CDH12: variants seen among roughly 807,000 people sequenced by gnomAD.
CDH12 encodes cadherin 12, also known as cadherin-12.
In CDH12, 41 loss-of-function variants were observed where a neutral mutation model predicts 74.1. The ratio of observed to expected loss-of-function variants is 0.55; its 90% CI spans 0.43 to 0.72. CDH12 has a LOEUF of 0.72. Among genes scored for constraint, CDH12 ranks in the 30% least tolerant of loss-of-function variants. The probability of loss-of-function intolerance (pLI) is 0.00; values close to 1 mark genes in which losing one functional copy is unlikely to be tolerated. For missense variants in CDH12, 945 were observed against 977.2 expected (o/e 0.97, Z 0.44); for synonymous variants, 399 against 355.0 (o/e 1.12, Z -1.39).
rs112684170 is a variant in CDH12, at chr5:22,580,860, G to A, written c.-522-75496C>T. The A allele has an allele frequency of 5.2e-3, 896 of 172,216 alleles. 9 individuals are homozygous for A. The highest frequency in any genetic ancestry group is 0.02 in the African/African-American group (849 of 42,180). The allele number at this position is 172,216 out of a possible 1,614,324, so 10.7% of individuals were successfully genotyped here. A position where few individuals can be genotyped will look rare whatever the true frequency, so the allele number is the denominator to read the frequency against. On this transcript the variant is annotated intron_variant, in intron 1 of 14. Coordinates refer to ENST00000382254, the MANE Select transcript of CDH12 (RefSeq NM_004061.5). ...GCTATGTTTTAGCAAAGAGACTGGC[G>A]GCATTTTGCCCATGGCCTAGAGATT...
At chr5:22,505,023 G>T (rs1736326780) in intron 2 of CDH12, among the ~76,000 whole-genome samples, 1 of 151,782 alleles carries the variant, frequency 6.6e-6, no homozygotes, top group East Asian at 1.9e-4. Flanking sequence ...ATAAAACAAA[G>T]AAGCTAAAAA....
At chr5:21,837,829 T>A (rs776415788) in intron 8 of CDH12, among the ~76,000 whole-genome samples, 1 of 152,144 alleles carries the variant, frequency 6.6e-6, no homozygotes, top group South Asian at 2.1e-4. Context: ...GAAAACCTCT[T>A]CTTTCTCCTG....
intron 6 of CDH12, among the ~76,000 whole-genome samples, chr5:21,858,685 G>A (rs779186320): frequency 4.6e-5 from 7 of 151,896 alleles, no homozygotes; most frequent in Non-Finnish European, 7.4e-5. Flanking sequence ...AAAATTGAGA[G>A]ACCAACTCCT....
At chr5:21,870,229 T>C (rs1751546185) in intron 6 of CDH12, among the ~76,000 whole-genome samples, 1 of 152,110 alleles carries the variant, frequency 6.6e-6, no homozygotes, top group Non-Finnish European at 1.5e-5. Flanking sequence ...TATGTCTTTA[T>C]CAACAGCGTG....
chr5:22,063,153 G>A (rs940063819), intron 5 of CDH12, among the ~76,000 whole-genome samples: 2 of 152,126 alleles, frequency 1.3e-5, no homozygotes, highest in Non-Finnish European at 2.9e-5. Context: ...TTTCTGCAAT[G>A]AAAGTGTAAC....
intron 11 of CDH12, among the ~76,000 whole-genome samples, chr5:21,767,933 T>C (rs1333362254): frequency 6.6e-6 from 1 of 151,710 alleles, no homozygotes; most frequent in Non-Finnish European, 1.5e-5. Flanking sequence ...AGAGATATAT[T>C]GTACTAAATT....
intron 1 of CDH12, among the ~76,000 whole-genome samples, chr5:22,644,022 G>C (rs1739304819): frequency 6.6e-6 from 1 of 151,922 alleles, no homozygotes; most frequent in African/African-American, 2.4e-5. Flanking sequence ...TTCTCTGTCT[G>C]CTCTTCTCCC....
chr5:22,569,477 A>G (rs1231516499), intron 1 of CDH12, among the ~76,000 whole-genome samples: 1 of 151,752 alleles, frequency 6.6e-6, no homozygotes, highest in African/African-American at 2.4e-5. Context: ...AGCCAATTAA[A>G]CCTCTTTTCA....
intron 2 of CDH12, among the ~76,000 whole-genome samples, chr5:22,494,379 G>A (rs1006693935): frequency 1.3e-5 from 2 of 152,184 alleles, no homozygotes; most frequent in Non-Finnish European, 2.9e-5. Context: ...TGTCTGGGGC[G>A]GGTTCCCGCC....
chr5:22,573,743 G>GT (rs1192043211), intron 1 of CDH12, among the ~76,000 whole-genome samples: 1 of 151,932 alleles, frequency 6.6e-6, no homozygotes, highest in African/African-American at 2.4e-5. Context: ...AAGATACTTG[G>GT]TTAACAAAGT....
intron 6 of CDH12, among the ~76,000 whole-genome samples, chr5:21,937,368 A>G (rs183580397): frequency 1.4e-4 from 22 of 152,312 alleles, no homozygotes; most frequent in Non-Finnish European, 2.8e-4. Context: ...TTACAGCCAG[A>G]GAAGAGAGAG....
chr5:22,104,051 T>C (rs1744296139), intron 4 of CDH12, among the ~76,000 whole-genome samples: 1 of 152,212 alleles, frequency 6.6e-6, no homozygotes, highest in South Asian at 2.1e-4. Flanking sequence ...GGCTGCACTT[T>C]AGGTGAACTC....
intron 3 of CDH12, among the ~76,000 whole-genome samples, chr5:22,304,137 G>A (rs1253386059): frequency 1.3e-5 from 2 of 152,020 alleles, no homozygotes; most frequent in Non-Finnish European, 2.9e-5. Flanking sequence ...TAATTTAGAA[G>A]TATCCTAGAT....
intron 2 of CDH12, among the ~76,000 whole-genome samples, chr5:22,469,430 T>C (rs1745867017): frequency 6.6e-6 from 1 of 152,174 alleles, no homozygotes; most frequent in African/African-American, 2.4e-5. Flanking sequence ...TCTCCCTGTA[T>C]CTTTTAAAAT....
At chr5:21,930,251 T>C (rs1170912508) in intron 6 of CDH12, among the ~76,000 whole-genome samples, 4 of 152,116 alleles carry the variant, frequency 2.6e-5, no homozygotes. Context: ...TGAGAGGAAA[T>C]GATGTTGCCA....
At chr5:22,337,281 G>A (rs1336831032) in intron 3 of CDH12, among the ~76,000 whole-genome samples, 1 of 152,130 alleles carries the variant, frequency 6.6e-6, no homozygotes, top group East Asian at 1.9e-4. Flanking sequence ...TTTGGAATAT[G>A]GACTTTTGAT....
rs1580446599 is a variant in CDH12 at position 22,249,241 on chromosome 5, C to G, written c.-332-36598G>C. Among the ~76,000 whole-genome samples, 3 of 152,230 alleles carry G rather than the reference C, an allele frequency of 2.0e-5. No individual in the cohort carries two copies. The East Asian group carries it at 5.8e-4, about 29-fold the overall frequency. ...TAGAGCCATAGGGTTCTTCCCTGGA[C>G]CCCTGTGAATTATCTGTCAAGGTTA... On this transcript the variant is annotated intron_variant, in intron 3 of 14. Transcript: ENST00000382254.
chr5:22,723,210 CA>C (rs1743987984), intron 1 of CDH12, among the ~76,000 whole-genome samples: 1 of 152,058 alleles, frequency 6.6e-6, no homozygotes, highest in Non-Finnish European at 1.5e-5. Flanking sequence ...CACAGAGGTA[CA>C]AAAGGTAGAA....
At position 21,949,385 on chromosome 5, in the gene CDH12, G is replaced by T. The variant is rs532756954; in HGVS notation, c.526+25706C>A. Among the ~76,000 whole-genome samples the T allele has an allele frequency of 8.2e-4, 123 of 150,452 alleles. 1 individual carries two copies. The highest frequency in any genetic ancestry group is 1.4e-3 in the Non-Finnish European group (97 of 67,840). ...GAATGGCGTGAACCCAGGAGGCGGA[G>T]CTTGCAGTGAGCCGAGATCACGCCA... On this transcript the variant is annotated intron_variant, in intron 6 of 14. Coordinates refer to ENST00000382254, the MANE Select transcript of CDH12 (RefSeq NM_004061.5).
Sources: allele counts gnomAD v4.1 joint callset (sites outside exome capture counted in the v4.1 genomes callset), GRCh38; gene constraint gnomAD v4.1.1; transcripts MANE v1.5; gene names NCBI Gene and HGNC (gene_info 2026-07-23, HGNC 2026-07-21).